Variants in RREB1 observed in about 807,000 individuals in gnomAD.
RREB1 encodes the protein ras-responsive element-binding protein 1.
RREB1 carries 27 observed loss-of-function variants against 117.8 expected under a neutral mutation model. The ratio of observed to expected loss-of-function variants is 0.23; its 90% confidence interval spans 0.17 to 0.32. The LOEUF (loss-of-function observed/expected upper bound fraction) is 0.32. Among genes scored for constraint, RREB1 ranks in the 10% least tolerant of loss-of-function variants. RREB1 has a pLI of 1.00. For synonymous variants in RREB1, 1,298 were observed against 1,026.7 expected, an observed-to-expected ratio of 1.26 and a Z score of -5.05; for missense variants, 2,577 against 2,378.2, an observed-to-expected ratio of 1.08 and a Z score of -1.74.
chr6:7,236,390 A>G (rs1768321582), intron 10 of RREB1, among the ~76,000 whole-genome samples: 2 of 152,010 alleles, frequency 1.3e-5, no homozygotes, highest in South Asian at 2.1e-4. Flanking sequence ...CCCTGCTTCT[A>G]TCTGGCAGTG....
chr6:7,138,506 G>T (rs967520370), intron 1 of RREB1, among the ~76,000 whole-genome samples: 1 of 152,228 alleles, frequency 6.6e-6, no homozygotes, highest in Non-Finnish European at 1.5e-5. Flanking sequence ...ATTAGCTTTT[G>T]TAAGTCTTCA....
rs1186186193 is a variant in RREB1 at position 7,231,414 on chromosome 6, A to G, written c.3315A>G (p.Gly1105=). The G allele has an allele frequency of 6.2e-7, 1 of 1,613,328 alleles. No individual in the cohort carries two copies. Among genetic ancestry groups the G allele is most frequent in the Admixed American group, 1.7e-5 (1 of 60,020 alleles). ...GSNTTASDSL[G]GSVPKAATTA... ...ACACCACGGCTTCAGACAGCTTAGG[A>G]GGTTCTGTCCCCAAAGCCGCCACCA... The change falls in exon 10 of 13, where the codon GGA becomes GGG. Residue 1105 remains glycine, a synonymous_variant. Coordinates refer to ENST00000379938, the MANE Select transcript of RREB1 (RefSeq NM_001003699.4).
intron 1 of RREB1, among the ~76,000 whole-genome samples, chr6:7,164,130 C>T (rs533408965): frequency 6.6e-6 from 1 of 152,260 alleles, no homozygotes; most frequent in South Asian, 2.1e-4. Context: ...CATCTATTAT[C>T]TAGACTCATA....
Position 7,230,341 on chromosome 6 carries a change from T to G in RREB1, c.2242T>G (p.Phe748Val), listed in dbSNP as rs768533445. Residue 748 changes from phenylalanine to valine, a missense_variant, in exon 10 of 13, where the codon TTC becomes GTC. By Grantham distance (50) the Phe-to-Val change is conservative. Transcript: ENST00000379938. ...SSSAAELVDA[F>V]CAPDTVCRLC... ...CAGCGCGGCCGAGCTGGTGGACGCC[T>G]TCTGCGCCCCGGACACCGTGTGCCG... is the stretch of plus-strand genomic sequence containing the variant. The G allele has an allele frequency of 1.7e-5, 27 of 1,590,222 alleles. No homozygotes were observed. In the African/African-American group the frequency reaches 2.7e-4, roughly 16 times the overall value.
chr6:7,193,679 C>T (rs1765525900), intron 6 of RREB1, among the ~76,000 whole-genome samples: 1 of 152,122 alleles, frequency 6.6e-6, no homozygotes, highest in African/African-American at 2.4e-5. Flanking sequence ...AGATGCAGGT[C>T]TACACACAAA....
intron 1 of RREB1, among the ~76,000 whole-genome samples, chr6:7,117,649 T>C (rs1761473968): frequency 6.6e-6 from 1 of 152,108 alleles, no homozygotes; most frequent in Non-Finnish European, 1.5e-5. Flanking sequence ...CCTCAGGTGA[T>C]CTGCCCACCT....
At chr6:7,226,160 G>A (rs1209207061) in intron 8 of RREB1, among the ~76,000 whole-genome samples, 1 of 152,160 alleles carries the variant, frequency 6.6e-6, no homozygotes, top group Non-Finnish European at 1.5e-5. Flanking sequence ...GAGCAGGTCG[G>A]CCATGGTGGC....
intron 1 of RREB1, among the ~76,000 whole-genome samples, chr6:7,150,810 C>T (rs1183416298): frequency 1.3e-5 from 2 of 152,190 alleles, no homozygotes; most frequent in African/African-American, 2.4e-5. Flanking sequence ...TTGTGATAAG[C>T]GACCTGCAGC....
In RREB1 at chr6:7,246,220, G is replaced by A. The variant is rs539836566; in HGVS notation, c.3974-204G>A. Among the ~76,000 whole-genome samples the A allele has an allele frequency of 5.6e-4, 85 of 152,308 alleles. 2 individuals carry two copies. In the South Asian group the frequency reaches 0.017, roughly 30 times the overall value. ...ACACACCTGAGGTGATGTGGAGGCTGCTTTTGCCTTTCTTCACGTCCCCAG... is the reference window on the plus strand; with the variant it reads ...ACACACCTGAGGTGATGTGGAGGCTACTTTTGCCTTTCTTCACGTCCCCAG... On this transcript the variant is annotated intron_variant, in intron 11 of 12. Coordinates refer to ENST00000379938, the MANE Select transcript of RREB1 (RefSeq NM_001003699.4).
In RREB1 at chr6:7,230,596, C is replaced by G. The variant is rs1248039176; in HGVS notation, c.2497C>G (p.Pro833Ala). 1.7e-5 allele frequency: 28 copies of G among 1,603,466 alleles called. No homozygotes were observed. The highest frequency in any genetic ancestry group is 2.0e-5 in the Non-Finnish European group (23 of 1,175,520). The change falls in exon 10 of 13, where the codon CCC (proline) becomes GCC (alanine). Residue 833 changes from proline (P) to alanine (A), a missense_variant. Physicochemically the swap from Pro to Ala is conservative, Grantham distance 27. Coordinates refer to ENST00000379938, the MANE Select transcript of RREB1 (RefSeq NM_001003699.4). The stretch of plus-strand genomic sequence containing the variant: ...CGTGCTGGCCGCCGACGGCCTGGGC[C>G]CCGCAGAGGCGCCGGCCGCTGAGGC... The part of the protein sequence containing the change: ...SYVLAADGLG[P>A]AEAPAAEASG...
At chr6:7,236,610 G>A (rs1768334462) in intron 10 of RREB1, among the ~76,000 whole-genome samples, 1 of 152,128 alleles carries the variant, frequency 6.6e-6, no homozygotes, top group Non-Finnish European at 1.5e-5. Context: ...GAGAAGGCTG[G>A]GCTGCTCAGG....
intron 1 of RREB1, among the ~76,000 whole-genome samples, chr6:7,138,407 C>G (rs1284977757): frequency 2.0e-5 from 3 of 152,198 alleles, no homozygotes; most frequent in Non-Finnish European, 2.9e-5. Context: ...CTGAAAGACA[C>G]TTGAATATTT....
chr6:7,137,169 G>C (rs1762377258), intron 1 of RREB1, among the ~76,000 whole-genome samples: 1 of 152,220 alleles, frequency 6.6e-6, no homozygotes, highest in Non-Finnish European at 1.5e-5. Flanking sequence ...GAGCAGTCCT[G>C]TCCCCTGGCT....
chr6:7,120,398 G>C (rs1422062590), intron 1 of RREB1, among the ~76,000 whole-genome samples: 1 of 152,120 alleles, frequency 6.6e-6, no homozygotes, highest in Non-Finnish European at 1.5e-5. Context: ...AGGCTGCAGC[G>C]AGCTGTGATT....
chr6:7,230,025 C>T lies in RREB1; in HGVS notation c.1926C>T (p.Leu642=), dbSNP rs1015346152. The change falls in exon 10 of 13, where the codon CTC becomes CTT. Residue 642 remains leucine, a synonymous_variant. Transcript: ENST00000379938. The part of the protein sequence containing the change: ...GKKTPAMRKV[L]YPCRFCNQVF... ...AGACGCCCGCCATGCGCAAGGTGCT[C>T]TACCCCTGCCGCTTCTGCAACCAGG... 1.4e-5 allele frequency: 23 copies of T among 1,610,992 alleles called. No individual in the cohort carries two copies. The highest frequency in any genetic ancestry group is 1.6e-5 in the Non-Finnish European group (19 of 1,178,078).
intron 1 of RREB1, among the ~76,000 whole-genome samples, chr6:7,119,283 A>G (rs1761559141): frequency 1.3e-5 from 2 of 152,216 alleles, no homozygotes; most frequent in African/African-American, 2.4e-5. Flanking sequence ...CCCTGGAGGC[A>G]GAGGTTGAAT....
At chr6:7,171,631 A>T (rs1249427707) in intron 1 of RREB1, among the ~76,000 whole-genome samples, 1 of 152,174 alleles carries the variant, frequency 6.6e-6, no homozygotes, top group Non-Finnish European at 1.5e-5. Context: ...TGTTGTTTTG[A>T]GGATTAAATG....
At chr6:7,142,588 T>G (rs1330805637) in intron 1 of RREB1, among the ~76,000 whole-genome samples, 3 of 151,920 alleles carry the variant, frequency 2.0e-5, no homozygotes, top group Non-Finnish European at 2.9e-5. Flanking sequence ...AGACAGTTCG[T>G]GGGGTCAGGC....
intron 1 of RREB1, among the ~76,000 whole-genome samples, chr6:7,169,759 T>C (rs1019627886): frequency 2.0e-5 from 3 of 152,180 alleles, no homozygotes; most frequent in Non-Finnish European, 4.4e-5. Context: ...ATTTCCTTCC[T>C]TTAAAGAAGC....
Sources: allele counts gnomAD v4.1 joint callset (sites outside exome capture counted in the v4.1 genomes callset), GRCh38; gene constraint gnomAD v4.1.1; transcripts MANE v1.5; gene names NCBI Gene and HGNC (gene_info 2026-07-23, HGNC 2026-07-21).